The following WWOX variants were observed in gnomAD, a reference collection of about 807,000 sequenced individuals.
WWOX encodes the protein WW domain containing oxidoreductase.
In WWOX, 69 loss-of-function variants were observed where a neutral mutation model predicts 46.2. The observed-to-expected ratio is 1.49, with a 90% CI of 1.23 to 1.82. The LOEUF is 1.82. WWOX is among the 40% of genes most tolerant of loss of function. The pLI is 0.00. For missense variants in WWOX, 919 were observed against 542.6 expected, an observed-to-expected ratio of 1.69 and a Z score of -6.89; for synonymous variants, 359 against 202.6, an observed-to-expected ratio of 1.77 and a Z score of -6.56.
chr16:78,236,298 G>T (rs1364903665), intron 5 of WWOX, among the ~76,000 whole-genome samples: 1 of 152,220 alleles, frequency 6.6e-6, no homozygotes, highest in Non-Finnish European at 1.5e-5. Flanking sequence ...GCAAATGCTA[G>T]TTTCCTGGCC....
intron 8 of WWOX, among the ~76,000 whole-genome samples, chr16:79,011,357 A>G (rs1010620796): frequency 6.6e-6 from 1 of 151,894 alleles, no homozygotes; most frequent in African/African-American, 2.4e-5. Flanking sequence ...CATGTCTCCA[A>G]TCCTGCCCCC....
At chr16:78,230,159 C>T (rs959142494) in intron 5 of WWOX, among the ~76,000 whole-genome samples, 1 of 45,722 alleles carries the variant, frequency 2.2e-5, no homozygotes, top group Non-Finnish European at 3.6e-5. Flanking sequence ...GGATTACAGG[C>T]GTGAGCTACC....
Position 78,705,385 on chromosome 16 carries a change from T to C in WWOX, c.1056+272633T>C, listed in dbSNP as rs77052053. 1.2e-3 allele frequency among the ~76,000 whole-genome samples: 182 copies of C among 152,272 alleles called. 4 individuals are homozygous for C. In the East Asian group the frequency reaches 0.026, roughly 22 times the overall value. ...ACATAAGAGAGTCAAAGGGACTTCT[T>C]TGGGGAGAATATAAAAACAAGCCAA... On this transcript the variant is annotated intron_variant, in intron 8 of 8. Transcript: ENST00000566780.
At chr16:78,954,720 A>C (rs1457023475) in intron 8 of WWOX, among the ~76,000 whole-genome samples, 1 of 152,184 alleles carries the variant, frequency 6.6e-6, no homozygotes, top group East Asian at 1.9e-4. Context: ...GGTGGGTGCC[A>C]TAATAAAAAT....
At chr16:78,860,047 A>G (rs1162727650) in intron 8 of WWOX, among the ~76,000 whole-genome samples, 2 of 152,204 alleles carry the variant, frequency 1.3e-5, no homozygotes, top group Non-Finnish European at 2.9e-5. Context: ...CTCAAAAGAA[A>G]AATTGTAACA....
chr16:79,092,668 T>A (rs2048987143), intron 8 of WWOX, among the ~76,000 whole-genome samples: 1 of 152,214 alleles, frequency 6.6e-6, no homozygotes, highest in Non-Finnish European at 1.5e-5. Context: ...TGAATTGTGA[T>A]GGAAACAGAG....
intron 8 of WWOX, among the ~76,000 whole-genome samples, chr16:78,594,881 A>G (rs1054565575): frequency 8.6e-5 from 13 of 151,976 alleles, no homozygotes; most frequent in Admixed American, 8.5e-4. Context: ...TTTAAATAGC[A>G]GCCTATGCAT....
chr16:78,767,301 T>C (rs2049946262), intron 8 of WWOX, among the ~76,000 whole-genome samples: 1 of 151,888 alleles, frequency 6.6e-6, no homozygotes, highest in East Asian at 1.9e-4. Context: ...TTTTTATTAT[T>C]ATTTTTTTAT....
chr16:79,164,123 A>C (rs1045043507), intron 8 of WWOX, among the ~76,000 whole-genome samples: 4 of 152,236 alleles, frequency 2.6e-5, no homozygotes, highest in African/African-American at 7.2e-5. Flanking sequence ...GCCCAGAAAC[A>C]AGGCTACAAA....
At chr16:78,876,915 G>C (rs535029106) in intron 8 of WWOX, among the ~76,000 whole-genome samples, 32 of 152,242 alleles carry the variant, frequency 2.1e-4, no homozygotes, top group Admixed American at 7.2e-4. Flanking sequence ...AGGAAATCTT[G>C]TAACTCTACT....
rs150194301 is a variant in WWOX at position 78,268,635 on chromosome 16, T to A, written c.516+104346T>A. On this transcript the variant is annotated intron_variant, in intron 5 of 8. Coordinates refer to ENST00000566780, the MANE Select transcript of WWOX (RefSeq NM_016373.4). ...CCATTTCCTAGGTCTGGTTTCTTGG[T>A]TAAATACGTGGAAGAGTGGATGGAC... Among the ~76,000 whole-genome samples the A allele has an allele frequency of 1.9e-3, 294 of 152,288 alleles. 5 individuals carry two copies. Among genetic ancestry groups the A allele is most frequent in the Admixed American group, 0.014 (220 of 15,298 alleles).
chr16:78,989,859 T>TGA (rs549582942), intron 8 of WWOX, among the ~76,000 whole-genome samples: 42 of 144,022 alleles, frequency 2.9e-4, no homozygotes, highest in African/African-American at 7.2e-4. Flanking sequence ...TGTGTGTGAT[T>TGA]GAGAGAGAGA....
intron 5 of WWOX, among the ~76,000 whole-genome samples, chr16:78,318,115 T>G (rs937246720): frequency 6.6e-6 from 1 of 152,110 alleles, no homozygotes; most frequent in Non-Finnish European, 1.5e-5. Context: ...TGAGTCACTT[T>G]CCCTTTGATT....
intron 5 of WWOX, among the ~76,000 whole-genome samples, chr16:78,273,422 C>A (rs118059067): frequency 4.8e-4 from 73 of 152,276 alleles, no homozygotes; most frequent in Middle Eastern, 3.4e-3. Context: ...AGCCTGACCT[C>A]CACGGTACCA....
intron 8 of WWOX, among the ~76,000 whole-genome samples, chr16:78,986,025 C>G (rs554104722): frequency 4.9e-4 from 74 of 152,184 alleles, no homozygotes; most frequent in Non-Finnish European, 8.5e-4. Flanking sequence ...AGGGGCATCC[C>G]AGGGTCAGAA....
At chr16:79,173,736 G>A (rs1215504578) in intron 8 of WWOX, among the ~76,000 whole-genome samples, 1 of 151,652 alleles carries the variant, frequency 6.6e-6, no homozygotes, top group African/African-American at 2.4e-5. Context: ...TCACTTAATG[G>A]AATACTAGGT....
At chr16:79,207,307 G>A (rs1338814207) in intron 8 of WWOX, among the ~76,000 whole-genome samples, 2 of 152,262 alleles carry the variant, frequency 1.3e-5, no homozygotes, top group African/African-American at 2.4e-5. Flanking sequence ...AACAATGGAA[G>A]TAGGCAGGGT....
chr16:78,100,736 C>T (rs1212498280), intron 1 of WWOX, among the ~76,000 whole-genome samples: 1 of 152,212 alleles, frequency 6.6e-6, no homozygotes, highest in African/African-American at 2.4e-5. Context: ...GTGCGTAAAG[C>T]ACATAGCACC....
chr16:79,168,748 C>T (rs1157264225), intron 8 of WWOX, among the ~76,000 whole-genome samples: 2 of 152,120 alleles, frequency 1.3e-5, no homozygotes, highest in Non-Finnish European at 2.9e-5. Context: ...AAACCAAGTC[C>T]CAGGAAAGTC....
Sources: gnomAD v4.1 joint callset for allele counts (sites outside exome capture counted in the v4.1 genomes callset) on GRCh38, gnomAD v4.1.1 for gene constraint, MANE v1.5 for transcripts, NCBI Gene and HGNC (gene_info 2026-07-23, HGNC 2026-07-21) for gene names.